EPHB2: variants seen among roughly 807,000 people sequenced by gnomAD.
The protein encoded by EPHB2 is ephrin type-B receptor 2.
A neutral mutation model predicts 96.4 loss-of-function variants in EPHB2; 18 were observed. The observed-to-expected ratio is 0.19, with a 90% CI of 0.13 to 0.28. The LOEUF is 0.28. Among genes scored for constraint, EPHB2 ranks in the 10% least tolerant of loss-of-function variants. The pLI is 1.00. For missense variants in EPHB2, 989 were observed against 1,355.4 expected (o/e 0.73, Z 4.25); for synonymous variants, 506 against 534.1 (o/e 0.95, Z 0.72).
chr1:22,731,200 G>A (rs1434359293), intron 1 of EPHB2, among the ~76,000 whole-genome samples: 7 of 152,208 alleles, frequency 4.6e-5, no homozygotes, highest in Admixed American at 4.6e-4. Flanking sequence ...CAGCCAGGTT[G>A]GTGACTCTAG....
rs1368498253 is a variant in EPHB2 at position 22,875,911 on chromosome 1, G to T, written c.1304-6448G>T. ...GGAGGATTTGGCCATGGAAGATGTGGGGGAAGAGGTTTCCAAGCAGAAACA... is the reference window on the plus strand; with the variant it reads ...GGAGGATTTGGCCATGGAAGATGTGTGGGAAGAGGTTTCCAAGCAGAAACA... On this transcript the variant is annotated intron_variant, in intron 5 of 15. Transcript: ENST00000374630. The surrounding 1 kb of genome is among the most constrained non-coding windows in gnomAD (Gnocchi z 4.2). Among the ~76,000 whole-genome samples, 4 of 152,112 alleles carry T rather than the reference G, an allele frequency of 2.6e-5. No individual in the cohort carries two copies. Among genetic ancestry groups the T allele is most frequent in the Non-Finnish European group, 5.9e-5 (4 of 68,016 alleles).
chr1:22,897,675 TA>T (rs1639610846), intron 9 of EPHB2, among the ~76,000 whole-genome samples: 1 of 152,062 alleles, frequency 6.6e-6, no homozygotes, highest in Non-Finnish European at 1.5e-5. Context: ...TAATCCCAGC[TA>T]CTCAGGAGGC....
At chr1:22,823,390 G>A (rs1645179464) in intron 3 of EPHB2, among the ~76,000 whole-genome samples, 1 of 152,186 alleles carries the variant, frequency 6.6e-6, no homozygotes, top group Non-Finnish European at 1.5e-5. Flanking sequence ...TGTCTCTTCA[G>A]CCAGTGCCCT....
At chr1:22,752,766 C>T (rs1003956997) in intron 1 of EPHB2, among the ~76,000 whole-genome samples, 34 of 151,506 alleles carry the variant, frequency 2.2e-4, no homozygotes, top group African/African-American at 2.9e-4. Flanking sequence ...TATACTTACA[C>T]GTACACACAC....
chr1:22,919,919 G>A lies in EPHB2; in HGVS notation c.*6349G>A, dbSNP rs1037847947. 3 of 152,148 alleles carry A rather than the reference G, an allele frequency of 2.0e-5. No individual in the cohort carries two copies. In the East Asian group the frequency reaches 5.8e-4, roughly 29 times the overall value. 9.4% of individuals were successfully genotyped at this position (152,148 alleles called of 1,614,324 possible). On this transcript the variant is annotated 3_prime_UTR_variant, in exon 16 of 16. Coordinates refer to ENST00000374630, the MANE Select transcript of EPHB2 (RefSeq NM_017449.5). ...CTATGCTGCTAATTCTTGAAATTTCGAGTCTCATTGTTCGTTGCTGTTCCC... is the reference window on the plus strand; with the variant it reads ...CTATGCTGCTAATTCTTGAAATTTCAAGTCTCATTGTTCGTTGCTGTTCCC...
chr1:22,736,726 C>T (rs1557644135), intron 1 of EPHB2, among the ~76,000 whole-genome samples: 1 of 152,208 alleles, frequency 6.6e-6, no homozygotes, highest in Non-Finnish European at 1.5e-5. Flanking sequence ...GACCCCGGGC[C>T]CAGCCTGCAA....
intron 5 of EPHB2, among the ~76,000 whole-genome samples, chr1:22,879,506 C>T (rs555718323): frequency 6.6e-6 from 1 of 152,164 alleles, no homozygotes; most frequent in Non-Finnish European, 1.5e-5. Context: ...GGAGGGATGG[C>T]GCTGGGGCTG....
chr1:22,759,210 G>A (rs147417825), intron 1 of EPHB2, among the ~76,000 whole-genome samples: 2 of 152,208 alleles, frequency 1.3e-5, no homozygotes, highest in African/African-American at 4.8e-5. Context: ...GGCCAGCATA[G>A]CCACTAATCA....
chr1:22,819,033 T>C (rs1219873341), intron 3 of EPHB2, among the ~76,000 whole-genome samples: 2 of 150,320 alleles, frequency 1.3e-5, no homozygotes, highest in Non-Finnish European at 3.0e-5. Context: ...TGGGGGCAGC[T>C]AATGAAGTCC....
intron 1 of EPHB2, among the ~76,000 whole-genome samples, chr1:22,725,674 C>G (rs1643565633): frequency 6.6e-6 from 1 of 152,178 alleles, no homozygotes. Flanking sequence ...AGCTGGCCCC[C>G]AAAGTGAATT....
chr1:22,814,417 C>T (rs1248182739), intron 3 of EPHB2, among the ~76,000 whole-genome samples: 1 of 152,134 alleles, frequency 6.6e-6, no homozygotes, highest in Non-Finnish European at 1.5e-5. Flanking sequence ...GTGTCCCCAA[C>T]ACTGCCTGGA....
intron 1 of EPHB2, among the ~76,000 whole-genome samples, chr1:22,732,385 G>T (rs555369902): frequency 1.3e-5 from 2 of 151,738 alleles, no homozygotes; most frequent in African/African-American, 4.8e-5. Flanking sequence ...GGAAGCGCGT[G>T]GGGGGCCGGA....
chr1:22,728,786 T>C (rs1281248942), intron 1 of EPHB2, among the ~76,000 whole-genome samples: 1 of 152,210 alleles, frequency 6.6e-6, no homozygotes, highest in Non-Finnish European at 1.5e-5. Flanking sequence ...TGGAGGTGTC[T>C]CAATGCTCAC....
At chr1:22,827,077 C>T in intron 3 of EPHB2, among the ~76,000 whole-genome samples, 1 of 152,224 alleles carries the variant, frequency 6.6e-6, no homozygotes, top group East Asian at 1.9e-4. Flanking sequence ...CCGCTTCCTC[C>T]CTACCAGAGC....
chr1:22,887,874 T>A (rs1207006883), intron 6 of EPHB2, among the ~76,000 whole-genome samples: 2 of 151,960 alleles, frequency 1.3e-5, no homozygotes, highest in African/African-American at 4.8e-5. Context: ...GGATGGGGGG[T>A]GAAACTATGA....
chr1:22,852,300 C>T (rs1645635159), intron 3 of EPHB2, among the ~76,000 whole-genome samples: 1 of 152,202 alleles, frequency 6.6e-6, no homozygotes, highest in African/African-American at 2.4e-5. Flanking sequence ...CCCAGCAGCC[C>T]ATTTTGGGGA....
intron 3 of EPHB2, among the ~76,000 whole-genome samples, chr1:22,843,681 C>G (rs1221974726): frequency 6.6e-6 from 1 of 152,204 alleles, no homozygotes; most frequent in Non-Finnish European, 1.5e-5. Context: ...GCTGGGATTA[C>G]AGCCACCTGC....
intron 1 of EPHB2, among the ~76,000 whole-genome samples, chr1:22,743,097 G>T (rs1476707606): frequency 6.6e-6 from 1 of 151,964 alleles, no homozygotes; most frequent in African/African-American, 2.4e-5. Context: ...TCACTATGTT[G>T]CCCAGGCTGG....
At chr1:22,868,774 G>A (rs1359883866) in intron 5 of EPHB2, among the ~76,000 whole-genome samples, 1 of 152,160 alleles carries the variant, frequency 6.6e-6, no homozygotes, top group African/African-American at 2.4e-5. Context: ...AAAGGATGTG[G>A]GTACCTAATC....
Sources: allele counts gnomAD v4.1 joint callset (sites outside exome capture counted in the v4.1 genomes callset), GRCh38; gene constraint gnomAD v4.1.1; non-coding constraint Gnocchi (gnomAD v3.1); transcripts MANE v1.5; gene names NCBI Gene and HGNC (gene_info 2026-07-23, HGNC 2026-07-21).